Variants in DGKD observed in about 807,000 individuals in gnomAD.
DGKD encodes DAG kinase delta.
Under a neutral mutation model 154.4 loss-of-function variants are expected in DGKD, and 68 were observed. The ratio of observed to expected loss-of-function variants is 0.44; its 90% CI spans 0.36 to 0.54. The LOEUF is 0.54. Among genes scored for constraint, DGKD ranks in the 20% least tolerant of loss-of-function variants. The pLI, the probability that DGKD is intolerant of heterozygous loss-of-function variation, is 0.00. For missense variants in DGKD, 1,343 were observed against 1,593.6 expected (o/e 0.84, Z 2.68); for synonymous variants, 693 against 638.0 (o/e 1.09, Z -1.30).
intron 3 of DGKD, among the ~76,000 whole-genome samples, chr2:233,394,977 C>T (rs779717748): frequency 6.6e-6 from 1 of 152,124 alleles, no homozygotes; most frequent in Non-Finnish European, 1.5e-5. Context: ...GTTGGTATTA[C>T]AGGCATGAGC....
intron 1 of DGKD, among the ~76,000 whole-genome samples, chr2:233,357,886 A>G (rs952105560): frequency 6.6e-6 from 1 of 152,218 alleles, no homozygotes; most frequent in East Asian, 1.9e-4. Flanking sequence ...CTGCTGGTCC[A>G]TGGACCAGAC....
At chr2:233,395,521 G>T (rs1482633312) in intron 3 of DGKD, among the ~76,000 whole-genome samples, 3 of 151,874 alleles carry the variant, frequency 2.0e-5, no homozygotes, top group Admixed American at 6.6e-5. Flanking sequence ...CTTCCCTTCT[G>T]TGTTGTCTCT....
At chr2:233,359,142 A>G (rs1037357027) in intron 1 of DGKD, among the ~76,000 whole-genome samples, 3 of 152,214 alleles carry the variant, frequency 2.0e-5, no homozygotes, top group Non-Finnish European at 4.4e-5. Flanking sequence ...TTCAAAGTCT[A>G]AACTTTGGTG....
intron 1 of DGKD, among the ~76,000 whole-genome samples, chr2:233,360,546 C>T (rs1701732363): frequency 6.6e-6 from 1 of 152,130 alleles, no homozygotes; most frequent in South Asian, 2.1e-4. Context: ...ACATGAGCTA[C>T]TGTGCCTGGC....
In DGKD at chr2:233,441,656, G is replaced by A. The variant is rs1231591116; in HGVS notation, c.1086-231G>A. Among the ~76,000 whole-genome samples, 1 of 152,316 alleles carries A rather than the reference G, an allele frequency of 6.6e-6. No homozygotes were observed. Among genetic ancestry groups the A allele is most frequent in the Admixed American group, 6.5e-5 (1 of 15,306 alleles). On this transcript the variant is annotated intron_variant, in intron 9 of 29. Transcript: ENST00000264057. The surrounding 1 kb of genome is among the most constrained non-coding windows in gnomAD (Gnocchi z 5.6). Reference sequence around the variant, plus strand: ...GCTGAGTGGTCTTGTCGCTGGGTGGGGCGTGGCTGGTGGGAGCAGTTGGCT... The same window carrying A: ...GCTGAGTGGTCTTGTCGCTGGGTGGAGCGTGGCTGGTGGGAGCAGTTGGCT...
chr2:233,389,995 C>T (rs1361396520), intron 2 of DGKD, among the ~76,000 whole-genome samples: 1 of 152,200 alleles, frequency 6.6e-6, no homozygotes, highest in Non-Finnish European at 1.5e-5. Context: ...CAGGAGGACA[C>T]GGAATCCTCA....
Position 233,458,198 on chromosome 2 carries a change from A to AC in DGKD, c.2581-81dup. On this transcript the variant is annotated intron_variant, in intron 21 of 29. Coordinates refer to ENST00000264057, the MANE Select transcript of DGKD (RefSeq NM_152879.3). This position sits in a 1 kb window ranked among gnomAD's most constrained non-coding sequence, Gnocchi z 6.6. ...ACTTCTCGCCAGCTAGGAGGGGCTG[A>AC]CCCCCAGAGGGAGGGAGTGAGGGTA... The AC allele has an allele frequency of 1.3e-6, 1 of 799,680 alleles. No individual in the cohort carries two copies. The highest frequency in any genetic ancestry group is 1.8e-5 in the South Asian group (1 of 56,940). 49.5% of individuals were successfully genotyped at this position (799,680 alleles called of 1,614,324 possible). A position where few individuals can be genotyped will look rare whatever the true frequency, so the allele number is the denominator to read the frequency against.
In DGKD at chr2:233,395,842, A is replaced by C. The variant is rs753326318; in HGVS notation, c.348+5359A>C. On this transcript the variant is annotated intron_variant, in intron 3 of 29. Coordinates refer to ENST00000264057, the MANE Select transcript of DGKD (RefSeq NM_152879.3). ...AGCCACCATGCCTGGCCAAGTTCAC[A>C]AATTTTATTATGCTAGACCTGTTTG... Among the ~76,000 whole-genome samples the C allele has an allele frequency of 1.1e-4, 16 of 152,038 alleles. No homozygotes were observed. The South Asian group carries it at 3.3e-3, about 32-fold the overall frequency.
At chr2:233,370,929 T>C (rs987651539) in intron 1 of DGKD, among the ~76,000 whole-genome samples, 1 of 152,018 alleles carries the variant, frequency 6.6e-6, no homozygotes, top group Non-Finnish European at 1.5e-5. Context: ...TTTTTTAATT[T>C]TTTGTAGAGA....
intron 3 of DGKD, among the ~76,000 whole-genome samples, chr2:233,390,913 A>G (rs1247557103): frequency 6.6e-6 from 1 of 152,130 alleles, no homozygotes; most frequent in African/African-American, 2.4e-5. Flanking sequence ...TTGTATTTTT[A>G]GTAGAGACAG....
chr2:233,456,801 T>G lies in DGKD; in HGVS notation c.2376-98T>G, dbSNP rs114834409. ...AAATAATTGCTAAATGTAGCTGATT[T>G]GTGGGTCAGATGCTGTTCCCAGCTT... On this transcript the variant is annotated intron_variant, in intron 19 of 29. Coordinates refer to ENST00000264057, the MANE Select transcript of DGKD (RefSeq NM_152879.3). 850 of 862,970 alleles carry G rather than the reference T, an allele frequency of 9.8e-4. 9 individuals carry two copies. In the African/African-American group the frequency reaches 0.013, roughly 13 times the overall value. The allele number at this position is 862,970 out of a possible 1,614,324, so 53.5% of individuals were successfully genotyped here. A position where few individuals can be genotyped will look rare whatever the true frequency, so the allele number is the denominator to read the frequency against.
intron 26 of DGKD, chr2:233,463,785 G>A (rs1034053415): frequency 1.5e-5 from 4 of 271,300 alleles, no homozygotes; most frequent in Admixed American, 1.4e-4. Flanking sequence ...TCACACGCGT[G>A]TCCTCACTGC....
intron 1 of DGKD, among the ~76,000 whole-genome samples, chr2:233,382,425 G>T (rs768377247): frequency 5.9e-5 from 9 of 152,156 alleles, no homozygotes; most frequent in Non-Finnish European, 1.3e-4. Flanking sequence ...TGTTGTTGAA[G>T]GACCGGGGAA....
chr2:233,388,429 C>T lies in DGKD; in HGVS notation c.267+62C>T, dbSNP rs1703339227. 13 of 1,497,808 alleles carry T rather than the reference C, an allele frequency of 8.7e-6. No homozygotes were observed. The South Asian group carries it at 1.6e-4, about 18-fold the overall frequency. 92.8% of individuals were successfully genotyped at this position (1,497,808 alleles called of 1,614,324 possible). A position where few individuals can be genotyped will look rare whatever the true frequency, so the allele number is the denominator to read the frequency against. On this transcript the variant is annotated intron_variant, in intron 2 of 29. Coordinates refer to ENST00000264057, the MANE Select transcript of DGKD (RefSeq NM_152879.3). ...CACAGGAGCCGTCCCAGGGGAGGAA[C>T]TGGGGGTGCTGAGTCCTTGTGTGGG...
intron 1 of DGKD, among the ~76,000 whole-genome samples, chr2:233,387,919 C>T (rs931000368): frequency 2.0e-5 from 3 of 152,166 alleles, no homozygotes; most frequent in African/African-American, 4.8e-5. Context: ...GCACTGGCCC[C>T]GCGTCCCAGT....
intron 4 of DGKD, 83 bp downstream of exon 4, chr2:233,434,567 G>A (rs1002575195): frequency 1.4e-6 from 2 of 1,448,010 alleles, no homozygotes; most frequent in African/African-American, 2.8e-5. Context: ...TCTCCCACGT[G>A]CGGACCCACA....
intron 3 of DGKD, among the ~76,000 whole-genome samples, chr2:233,403,735 G>A (rs1160005254): frequency 6.6e-6 from 1 of 151,450 alleles, no homozygotes; most frequent in Non-Finnish European, 1.5e-5. Context: ...TGCCTCCCGG[G>A]TTCAAGCAAT....
chr2:233,356,852 C>T (rs1477877289), intron 1 of DGKD, among the ~76,000 whole-genome samples: 1 of 151,498 alleles, frequency 6.6e-6, no homozygotes. Flanking sequence ...AAGCCATTCA[C>T]AAAATTCCTC....
At chr2:233,436,276 C>T (rs2062691222) in intron 6 of DGKD, 40 bp from the exon 7 acceptor site, 1 of 1,612,744 alleles carries the variant, frequency 6.2e-7, no homozygotes, top group Non-Finnish European at 8.5e-7. Context: ...GACGTGGAAC[C>T]TTGGGAGCGT....
Sources: allele counts gnomAD v4.1 joint callset (sites outside exome capture counted in the v4.1 genomes callset), GRCh38; gene constraint gnomAD v4.1.1; non-coding constraint Gnocchi (gnomAD v3.1); transcripts MANE v1.5; gene names NCBI Gene and HGNC (gene_info 2026-07-23, HGNC 2026-07-21).